The following ABCA4 variants were observed in gnomAD, a reference collection of about 807,000 sequenced individuals.
ABCA4 encodes retinal-specific phospholipid-transporting ATPase ABCA4.
Under a neutral mutation model 263.7 loss-of-function variants are expected in ABCA4, and 196 were observed. That is an observed-to-expected ratio of 0.74 (90% confidence interval 0.66 to 0.84). ABCA4 has a LOEUF of 0.84. ABCA4 is among the 40% of genes least tolerant of loss of function. ABCA4 has a pLI of 0.00. For missense variants in ABCA4, 2,792 were observed against 2,855.1 expected (o/e 0.98, Z 0.50); for synonymous variants, 1,133 against 1,094.2 (o/e 1.04, Z -0.70).
intron 21 of ABCA4, 151 bp from the exon 22 acceptor site, chr1:94,043,049 G>T: frequency 8.0e-7 from 1 of 1,242,700 alleles, no homozygotes; most frequent in Non-Finnish European, 1.2e-6. Context: ...CCCTAATACT[G>T]TTCAGGCTTT....
chr1:94,042,098 CAAAAA>C (rs11334956), intron 22 of ABCA4, among the ~76,000 whole-genome samples: 3 of 81,268 alleles, frequency 3.7e-5, no homozygotes, highest in Non-Finnish European at 6.9e-5. Context: ...GATTCTGTCT[CAAAAA>C]AAAAAAAAAA....
At chr1:94,086,292 A>T (rs993165789) in intron 6 of ABCA4, among the ~76,000 whole-genome samples, 1 of 152,082 alleles carries the variant, frequency 6.6e-6, no homozygotes, top group Non-Finnish European at 1.5e-5. Context: ...TTTTCTGTAC[A>T]CTCATCGATG....
At position 94,041,513 on chromosome 1, in the gene ABCA4, TAA is replaced by T. The variant is rs4147891; in HGVS notation, c.3329-113_3329-112del. 1,306 of 832,104 alleles carry T rather than the reference TAA, an allele frequency of 1.6e-3. 1 individual carries two copies. The highest frequency in any genetic ancestry group is 2.7e-3 in the African/African-American group (155 of 56,850). The allele number at this position is 832,104 out of a possible 1,614,324, so 51.5% of individuals were successfully genotyped here. The stretch of plus-strand genomic sequence containing the variant: ...ATAGTTGCAAAAATCAGGAGTTAAC[TAA>T]AAAAAAAAACCCAAGGGAACTAATT... On this transcript the variant is annotated intron_variant, in intron 22 of 49. Transcript: ENST00000370225.
intron 45 of ABCA4, chr1:94,001,618 C>T (rs1186545459): frequency 1.5e-6 from 1 of 678,332 alleles, no homozygotes; most frequent in East Asian, 3.0e-5. Flanking sequence ...CCACAGGAGA[C>T]ATCCTGGGAA....
At chr1:93,997,384 T>C (rs1659035891) in intron 48 of ABCA4, among the ~76,000 whole-genome samples, 1 of 151,618 alleles carries the variant, frequency 6.6e-6, no homozygotes, top group African/African-American at 2.4e-5. Flanking sequence ...CAACCTCCCA[T>C]GTAGATGGGA....
intron 8 of ABCA4, 131 bp downstream of exon 8, chr1:94,080,347 G>T: frequency 7.8e-7 from 1 of 1,275,542 alleles, no homozygotes; most frequent in Non-Finnish European, 1.1e-6. Context: ...TCTGGGAGAA[G>T]TCTCTTTACC....
chr1:94,093,588 C>T (rs968622011), intron 6 of ABCA4, among the ~76,000 whole-genome samples: 2 of 152,208 alleles, frequency 1.3e-5, no homozygotes, highest in South Asian at 2.1e-4. Context: ...TTCCCAGGGG[C>T]CTGCTCTTGT....
chr1:94,067,500 C>T (rs1304237068), intron 11 of ABCA4, among the ~76,000 whole-genome samples: 1 of 152,164 alleles, frequency 6.6e-6, no homozygotes, highest in Non-Finnish European at 1.5e-5. Context: ...GATTCTCAAA[C>T]GTTCATTTAC....
At chr1:94,015,682 C>G in intron 37 of ABCA4, 57 bp downstream of exon 37, 1 of 1,413,366 alleles carries the variant, frequency 7.1e-7, no homozygotes, top group Non-Finnish European at 9.9e-7. Context: ...GATGATCCCC[C>G]ACCCCCACCA....
At chr1:94,120,355 T>C (rs1662914908) in intron 1 of ABCA4, among the ~76,000 whole-genome samples, 1 of 152,150 alleles carries the variant, frequency 6.6e-6, no homozygotes, top group Non-Finnish European at 1.5e-5. Flanking sequence ...GTTCAGGAAA[T>C]GTGCGTGATG....
chr1:94,094,616 G>C (rs1662072129), intron 6 of ABCA4, among the ~76,000 whole-genome samples: 1 of 152,170 alleles, frequency 6.6e-6, no homozygotes, highest in Non-Finnish European at 1.5e-5. Context: ...CCAGCAGCAT[G>C]GCAGGTCTTG....
intron 11 of ABCA4, among the ~76,000 whole-genome samples, chr1:94,072,596 A>C (rs1661434104): frequency 6.6e-6 from 1 of 152,238 alleles, no homozygotes; most frequent in African/African-American, 2.4e-5. Context: ...GAAGCAAAAT[A>C]TATGTGAATA....
intron 27 of ABCA4, 21 bp downstream of exon 27, chr1:94,031,757 A>G: frequency 6.2e-7 from 1 of 1,612,926 alleles, no homozygotes; most frequent in Non-Finnish European, 8.5e-7. Context: ...AGCTCAGCTA[A>G]ACACCGACCG....
At chr1:94,012,504 C>A (rs1471188164) in intron 38 of ABCA4, among the ~76,000 whole-genome samples, 1 of 152,158 alleles carries the variant, frequency 6.6e-6, no homozygotes, top group African/African-American at 2.4e-5. Flanking sequence ...AGTCAGTGGG[C>A]CCCTGGAGGG....
rs761331792 is a variant in ABCA4, at chr1:94,011,359, C to A, written c.5487G>T (p.Leu1829=). ...GGGGGAAGACAATGAGCAGCTTCCT[C>A]AGCACGGCGTTGAACCTGAGCAGCG... The part of the protein sequence containing the change: ...NRTLLRFNAV[L]RKLLIVFPHF... Residue 1829 remains leucine (L), a synonymous_variant, in exon 39 of 50, where the codon CTG becomes CTT. Coordinates refer to ENST00000370225, the MANE Select transcript of ABCA4 (RefSeq NM_000350.3). 1 of 1,614,092 alleles carries A rather than the reference C, an allele frequency of 6.2e-7. No homozygotes were observed. Among genetic ancestry groups the A allele is most frequent in the Non-Finnish European group, 8.5e-7 (1 of 1,180,000 alleles).
chr1:94,043,043 A>G (rs2101050926), intron 21 of ABCA4, 145 bp from the exon 22 acceptor site: 2 of 1,273,018 alleles, frequency 1.6e-6, no homozygotes, highest in Non-Finnish European at 2.2e-6. Context: ...TCAAAGCCCT[A>G]ATACTGTTCA....
intron 6 of ABCA4, among the ~76,000 whole-genome samples, chr1:94,090,892 G>A (rs1661950375): frequency 6.6e-6 from 1 of 152,220 alleles, no homozygotes; most frequent in Non-Finnish European, 1.5e-5. Flanking sequence ...AGTCATCATG[G>A]TGACTTACAG....
rs146548044 is a variant in ABCA4 at position 94,031,931 on chromosome 1, C to T, written c.3975G>A (p.Pro1325=). ...GAGGCTGGCCCTCTGGGTGAGCAGC[C>T]GGCGCCCCTGGGGAGCAGACATTGG... ...QDSNVCSPGA[P]AAHPEGQPPP... The change falls in exon 27 of 50, where the codon CCG becomes CCA. Residue 1325 remains proline, a synonymous_variant. Coordinates refer to ENST00000370225, the MANE Select transcript of ABCA4 (RefSeq NM_000350.3). 40 of 1,614,056 alleles carry T rather than the reference C, an allele frequency of 2.5e-5. No homozygotes were observed. In the Middle Eastern group the frequency reaches 5.0e-4, roughly 20 times the overall value.
At chr1:94,043,243 G>T in intron 21 of ABCA4, 93 bp downstream of exon 21, 5 of 1,567,216 alleles carry the variant, frequency 3.2e-6, no homozygotes, top group Non-Finnish European at 3.5e-6. Context: ...ACCCTTAGAA[G>T]CTCTCCTGCT....
Sources: allele counts gnomAD v4.1 joint callset (sites outside exome capture counted in the v4.1 genomes callset), GRCh38; gene constraint gnomAD v4.1.1; transcripts MANE v1.5; gene names NCBI Gene and HGNC (gene_info 2026-07-23, HGNC 2026-07-21).